The following SOX5 variants were observed in gnomAD, a reference collection of about 807,000 sequenced individuals.
The protein encoded by SOX5 is SRY-box transcription factor 5.
Under a neutral mutation model 92.0 loss-of-function variants are expected in SOX5, and 9 were observed. The ratio of observed to expected loss-of-function variants is 0.10; its 90% CI spans 0.06 to 0.17. The LOEUF (loss-of-function observed/expected upper bound fraction) is 0.17. Among genes scored for constraint, SOX5 ranks in the 10% least tolerant of loss-of-function variants. SOX5 has a pLI of 1.00. For synonymous variants in SOX5, 344 were observed against 336.3 expected, an observed-to-expected ratio of 1.02 and a Z score of -0.25; for missense variants, 642 against 944.5, an observed-to-expected ratio of 0.68 and a Z score of 4.20.
At chr12:24,064,403 A>C (rs567931781) in intron 4 of SOX5, among the ~76,000 whole-genome samples, 14 of 152,316 alleles carry the variant, frequency 9.2e-5, no homozygotes, top group African/African-American at 3.4e-4. Context: ...ACGGCACCCG[A>C]TCAGTTCCAT....
chr12:24,230,204 G>A (rs979459304), intron 3 of SOX5, among the ~76,000 whole-genome samples: 1 of 152,030 alleles, frequency 6.6e-6, no homozygotes, highest in African/African-American at 2.4e-5. Flanking sequence ...TCAAACACTG[G>A]AGACGTCCTA....
At position 24,172,737 on chromosome 12, in the gene SOX5, T is replaced by C. The variant is rs11047296; in HGVS notation, c.-2+40606A>G. 2.4e-3 allele frequency among the ~76,000 whole-genome samples: 366 copies of C among 152,196 alleles called. 1 individual carries two copies. Among genetic ancestry groups the C allele is most frequent in the Non-Finnish European group, 3.4e-3 (230 of 67,992 alleles). ...GTTACTGTCCCCACTGTGAAGAGGA[T>C]GTGAGATTTTAAACATCAGAAATTT... On this transcript the variant is annotated intron_variant, in intron 4 of 4. Transcript: ENST00000446891.
intron 1 of SOX5, among the ~76,000 whole-genome samples, chr12:24,381,313 T>C (rs1465178954): frequency 6.6e-6 from 1 of 152,252 alleles, no homozygotes; most frequent in Non-Finnish European, 1.5e-5. Flanking sequence ...CTAAAGTTGA[T>C]AGATTTTAGA....
chr12:23,777,751 GA>G (rs201981530), intron 3 of SOX5, among the ~76,000 whole-genome samples: 35 of 148,600 alleles, frequency 2.4e-4, no homozygotes, highest in South Asian at 1.3e-3. Flanking sequence ...ATGCTCATTT[GA>G]AAAAAAAAAT....
At chr12:24,417,933 C>A (rs958793578) in intron 1 of SOX5, among the ~76,000 whole-genome samples, 1 of 152,184 alleles carries the variant, frequency 6.6e-6, no homozygotes, top group East Asian at 1.9e-4. Context: ...CTGGTTTTCA[C>A]TGAGCTCATT....
intron 7 of SOX5, among the ~76,000 whole-genome samples, chr12:23,659,443 T>G (rs1244660238): frequency 1.3e-5 from 2 of 152,242 alleles, no homozygotes; most frequent in East Asian, 3.8e-4. Context: ...GCTCATCGAC[T>G]TCTATTTATT....
At chr12:23,945,195 C>CTG (rs1398146331) in intron 1 of SOX5, among the ~76,000 whole-genome samples, 2 of 152,104 alleles carry the variant, frequency 1.3e-5, no homozygotes, top group East Asian at 3.9e-4. Flanking sequence ...GTTTCCAACT[C>CTG]TGTGGAGGAC....
intron 6 of SOX5, among the ~76,000 whole-genome samples, chr12:23,716,711 T>C (rs1275355971): frequency 1.9e-4 from 29 of 152,202 alleles, no homozygotes; most frequent in Admixed American, 1.8e-3. Context: ...CTGTATTTAA[T>C]TTTTTATCTT....
intron 1 of SOX5, among the ~76,000 whole-genome samples, chr12:24,375,122 G>A (rs1356562543): frequency 4.0e-5 from 6 of 151,868 alleles, no homozygotes; most frequent in Non-Finnish European, 1.5e-5. Flanking sequence ...ACAGGCGCCC[G>A]CCACTACGCC....
chr12:23,725,540 T>C (rs1420199554), intron 6 of SOX5, among the ~76,000 whole-genome samples: 1 of 152,110 alleles, frequency 6.6e-6, no homozygotes, highest in Non-Finnish European at 1.5e-5. Context: ...GGAGCTACAA[T>C]TCAAAATGAG....
chr12:23,650,227 C>T (rs2081383335), intron 7 of SOX5, among the ~76,000 whole-genome samples: 1 of 152,070 alleles, frequency 6.6e-6, no homozygotes, highest in South Asian at 2.1e-4. Flanking sequence ...AAAGAAAGAA[C>T]TCAACCTGAA....
At chr12:24,346,814 T>G (rs1194313621) in intron 2 of SOX5, among the ~76,000 whole-genome samples, 1 of 150,220 alleles carries the variant, frequency 6.7e-6, no homozygotes, top group Non-Finnish European at 1.5e-5. Context: ...CACTCATAGG[T>G]GGGAATTGAA....
At chr12:23,981,716 G>C (rs955504914) in intron 4 of SOX5, among the ~76,000 whole-genome samples, 1 of 152,076 alleles carries the variant, frequency 6.6e-6, no homozygotes, top group Non-Finnish European at 1.5e-5. Context: ...TTCTGGAGAT[G>C]AGAGTTTTTA....
chr12:23,702,446 G>A (rs1359171900), intron 6 of SOX5, among the ~76,000 whole-genome samples: 6 of 151,944 alleles, frequency 3.9e-5, no homozygotes, highest in African/African-American at 9.7e-5. Flanking sequence ...ATATTTGGAC[G>A]TGAACCAAAT....
At chr12:24,282,201 C>T (rs976554764) in intron 2 of SOX5, among the ~76,000 whole-genome samples, 13 of 151,824 alleles carry the variant, frequency 8.6e-5, no homozygotes, top group Middle Eastern at 3.4e-3. Context: ...AAGGGATAAA[C>T]GAGGAATATA....
chr12:23,966,661 C>T (rs1008565485), intron 4 of SOX5, among the ~76,000 whole-genome samples: 1 of 152,058 alleles, frequency 6.6e-6, no homozygotes, highest in East Asian at 1.9e-4. Flanking sequence ...GTCTAAGAAC[C>T]TAGGTTCAAA....
At chr12:23,876,834 G>A (rs1234201150) in intron 2 of SOX5, among the ~76,000 whole-genome samples, 6 of 152,132 alleles carry the variant, frequency 3.9e-5, no homozygotes, top group South Asian at 2.1e-4. Context: ...ATGAGTTCAC[G>A]TCCTTTGCAG....
chr12:23,537,522 G>A (rs1248567060), intron 13 of SOX5, among the ~76,000 whole-genome samples: 11 of 152,062 alleles, frequency 7.2e-5, no homozygotes, highest in Admixed American at 6.5e-4. Flanking sequence ...CTGTAAATGC[G>A]TATTACGATT....
At chr12:23,931,833 T>C (rs780502610) in intron 1 of SOX5, among the ~76,000 whole-genome samples, 2 of 151,620 alleles carry the variant, frequency 1.3e-5, no homozygotes, top group Non-Finnish European at 3.0e-5. Flanking sequence ...ACTTATACAA[T>C]GTCATGTTAT....
Sources: gnomAD v4.1 joint callset for allele counts (sites outside exome capture counted in the v4.1 genomes callset) on GRCh38, gnomAD v4.1.1 for gene constraint, MANE v1.5 for transcripts, NCBI Gene and HGNC (gene_info 2026-07-23, HGNC 2026-07-21) for gene names.